PTCH1: variants seen among roughly 807,000 people sequenced by gnomAD.
The protein encoded by PTCH1 is protein patched homolog 1.
A neutral mutation model predicts 144.6 loss-of-function variants in PTCH1; 14 were observed. That is an observed-to-expected ratio of 0.10 (90% CI 0.06 to 0.15). The LOEUF (loss-of-function observed/expected upper bound fraction) is 0.15, where lower values mean the gene tolerates loss of function less well. Among genes scored for constraint, PTCH1 ranks in the 10% least tolerant of loss-of-function variants. The pLI is 1.00. For synonymous variants in PTCH1, 833 were observed against 793.6 expected, an observed-to-expected ratio of 1.05 and a Z score of -0.83; for missense variants, 1,623 against 1,948.3, an observed-to-expected ratio of 0.83 and a Z score of 3.14.
At chr9:95,499,590 T>C (rs118018282) in intron 2 of PTCH1, among the ~76,000 whole-genome samples, 283 of 151,914 alleles carry the variant, frequency 1.9e-3, no homozygotes, top group Admixed American at 3.1e-3. Context: ...TATAATAGGA[T>C]GACACAGCCA....
At position 95,446,050 on chromosome 9, in the gene PTCH1, T is replaced by C. The variant is rs1382117340; in HGVS notation, c.*343A>G. ...ACAATATTTAAGCAGCAGCAACATA[T>C]GCTGAAATTTAAGACTAATGAAGCT... On this transcript the variant is annotated 3_prime_UTR_variant, in exon 24 of 24. Transcript: ENST00000331920. 1 of 190,764 alleles carries C rather than the reference T, an allele frequency of 5.2e-6. No individual in the cohort carries two copies. The highest frequency in any genetic ancestry group is 1.1e-5 in the Non-Finnish European group (1 of 88,750). The allele number at this position is 190,764 out of a possible 1,614,324, so 11.8% of individuals were successfully genotyped here. A position where few individuals can be genotyped will look rare whatever the true frequency, so the allele number is the denominator to read the frequency against.
At chr9:95,507,906 ACACACACACACACG>A (rs1370214107) in intron 1 of PTCH1, 23 of 1,005,458 alleles carry the variant, frequency 2.3e-5, no homozygotes, top group South Asian at 4.2e-5. Flanking sequence ...GCGTGTGTAT[ACACACACACACACG>A]CACACACACA....
chr9:95,511,228 C>T (rs928216285), upstream of PTCH1, among the ~76,000 whole-genome samples: 1 of 151,438 alleles, frequency 6.6e-6, no homozygotes. Flanking sequence ...CTCTCCCCGC[C>T]CCCTTCCTTC....
At chr9:95,465,283 A>G (rs778511338) in intron 15 of PTCH1, among the ~76,000 whole-genome samples, 15 of 152,124 alleles carry the variant, frequency 9.9e-5, no homozygotes, top group Non-Finnish European at 1.6e-4. Flanking sequence ...ACACTCTACA[A>G]TAACCCTTCT....
rs374097441 is a variant in PTCH1, at chr9:95,449,268, G to C, written c.3605C>G (p.Pro1202Arg). 19 of 1,564,534 alleles carry C rather than the reference G, an allele frequency of 1.2e-5. No homozygotes were observed. Among genetic ancestry groups the C allele is most frequent in the African/African-American group, 2.7e-5 (2 of 73,934 alleles). Residue 1202 changes from proline to arginine, a missense_variant, in exon 22 of 24, where the codon CCC (proline) becomes CGC (arginine). Coordinates refer to ENST00000331920, the MANE Select transcript of PTCH1 (RefSeq NM_000264.5). The surrounding 1 kb of genome is among the most constrained non-coding windows in gnomAD (Gnocchi z 5.3). Reference protein sequence around the residue: ...RLPTPSPEPPPSVVRFAMPPG... With the variant: ...RLPTPSPEPPRSVVRFAMPPG... ...CGGCATGGCGAAGCGGACCACGCTG[G>C]GGGGTGGCTCAGGGGAGGGTGTGGG...
At chr9:95,492,148 A>G (rs1842449700) in intron 2 of PTCH1, among the ~76,000 whole-genome samples, 1 of 152,222 alleles carries the variant, frequency 6.6e-6, no homozygotes, top group African/African-American at 2.4e-5. Context: ...TCTCACCTAA[A>G]AAAATAAAAC....
chr9:95,455,156 T>TA (rs944755604), intron 19 of PTCH1, among the ~76,000 whole-genome samples: 32 of 152,224 alleles, frequency 2.1e-4, no homozygotes, highest in Non-Finnish European at 2.9e-5. Context: ...ACTGTTGCCA[T>TA]ATTATTGGCT....
At chr9:95,510,732 GAAAA>G (rs987142588), upstream of PTCH1, among the ~76,000 whole-genome samples, 5 of 146,694 alleles carry the variant, frequency 3.4e-5, no homozygotes, top group African/African-American at 1.0e-4. Context: ...TATGTTCATT[GAAAA>G]AAAAAGAAGA....
intron 2 of PTCH1, among the ~76,000 whole-genome samples, chr9:95,504,572 G>C (rs1040758754): frequency 2.6e-5 from 4 of 152,066 alleles, no homozygotes; most frequent in African/African-American, 9.7e-5. Context: ...GCCCTATTCT[G>C]TCCAAGAATC....
At chr9:95,470,116 T>C (rs1315476444) in intron 12 of PTCH1, among the ~76,000 whole-genome samples, 185 bp from the exon 13 acceptor site, 1 of 152,240 alleles carries the variant, frequency 6.6e-6, no homozygotes, top group Non-Finnish European at 1.5e-5. Context: ...ATAGGAATAG[T>C]CTTGACTGTT....
At chr9:95,452,185 C>T (rs1033036554) in intron 20 of PTCH1, 2 of 152,236 alleles carry the variant, frequency 1.3e-5, no homozygotes, top group African/African-American at 4.8e-5. Context: ...AGAAGGCGGC[C>T]TCCATGATGC....
chr9:95,516,078 C>A (rs1048231060), intron 1 of PTCH1, among the ~76,000 whole-genome samples: 25 of 152,186 alleles, frequency 1.6e-4, no homozygotes, highest in African/African-American at 5.8e-4. Context: ...CACCACCAGG[C>A]TGATGAGCGG....
In PTCH1 at chr9:95,453,766, G is replaced by T. The variant is rs546472782; in HGVS notation, c.3307-146C>A. On this transcript the variant is annotated intron_variant, in intron 19 of 23. Coordinates refer to ENST00000331920, the MANE Select transcript of PTCH1 (RefSeq NM_000264.5). ...ATGTGTAATCAGAGTAGCTCAACTA[G>T]CAGCACCTAGACTTAAACTAAGATG... is the stretch of plus-strand genomic sequence containing the variant. 64 of 1,074,736 alleles carry T rather than the reference G, an allele frequency of 6.0e-5. No individual in the cohort carries two copies. The East Asian group carries it at 1.5e-3, about 25-fold the overall frequency. The allele number at this position is 1,074,736 out of a possible 1,614,324, so 66.6% of individuals were successfully genotyped here. A position where few individuals can be genotyped will look rare whatever the true frequency, so the allele number is the denominator to read the frequency against.
chr9:95,445,818 G>A lies in PTCH1; in HGVS notation c.*575C>T, dbSNP rs1837840800. On this transcript the variant is annotated 3_prime_UTR_variant, in exon 24 of 24. Coordinates refer to ENST00000331920, the MANE Select transcript of PTCH1 (RefSeq NM_000264.5). ...AGAGGACCGCACACAACGACACCTA[G>A]AGAAGCCACCAGGATTAACGTGCTT... 6.4e-6 allele frequency: 1 copy of A among 156,024 alleles called. No homozygotes were observed. The highest frequency in any genetic ancestry group is 2.4e-5 in the African/African-American group (1 of 41,422). The allele number at this position is 156,024 out of a possible 1,614,324, so 9.7% of individuals were successfully genotyped here.
At chr9:95,459,468 GAAGA>G in intron 17 of PTCH1, 128 bp downstream of exon 17, 2 of 1,159,264 alleles carry the variant, frequency 1.7e-6, no homozygotes, top group Non-Finnish European at 2.5e-6. Context: ...TTTTAAACGA[GAAGA>G]AATAGATTGT....
At chr9:95,503,253 A>G (rs918237223) in intron 2 of PTCH1, 3 of 152,232 alleles carry the variant, frequency 2.0e-5, no homozygotes, top group African/African-American at 4.8e-5. Flanking sequence ...GAATTTATCT[A>G]TGAGACTGAT....
chr9:95,511,274 C>T (rs1431958245), upstream of PTCH1, among the ~76,000 whole-genome samples: 4 of 152,002 alleles, frequency 2.6e-5, no homozygotes, highest in East Asian at 1.9e-4. Context: ...TTCCTTCCTT[C>T]GGCCTGCGCC....
rs1588517039 is a variant in PTCH1, at chr9:95,449,151, T to A, written c.3722A>T (p.Tyr1241Phe). 6.2e-7 allele frequency: 1 copy of A among 1,613,962 alleles called. No individual in the cohort carries two copies. The highest frequency in any genetic ancestry group is 8.5e-7 in the Non-Finnish European group (1 of 1,179,942). The change falls in exon 22 of 24, where the codon TAC (tyrosine) becomes TTC (phenylalanine). Residue 1241 changes from tyrosine to phenylalanine, a missense_variant. By Grantham distance (22) the Tyr-to-Phe change is conservative. This residue lies in a region of PTCH1 where 504 missense variants were observed against 679.3 expected (regional missense o/e 0.74). Coordinates refer to ENST00000331920, the MANE Select transcript of PTCH1 (RefSeq NM_000264.5). This position sits in a 1 kb window ranked among gnomAD's most constrained non-coding sequence, Gnocchi z 5.3. ...GCCTCCCGCGCCCTGCTGGGCCTCGTAGTGCCGAAGCTCCTCGCTGAGGCC... is the reference window on the plus strand; with the variant it reads ...GCCTCCCGCGCCCTGCTGGGCCTCGAAGTGCCGAAGCTCCTCGCTGAGGCC... The part of the protein sequence containing the change: ...VSGLSEELRH[Y>F]EAQQGAGGPA...
chr9:95,479,535 C>A (rs1841364528), intron 7 of PTCH1, among the ~76,000 whole-genome samples: 1 of 152,146 alleles, frequency 6.6e-6, no homozygotes, highest in Non-Finnish European at 1.5e-5. Flanking sequence ...ACACGAAACG[C>A]CAGACACCTG....
Sources: gnomAD v4.1 joint callset for allele counts (sites outside exome capture counted in the v4.1 genomes callset) on GRCh38, gnomAD v4.1.1 for gene constraint, gnomAD v4.1.1 regional missense constraint, Gnocchi (gnomAD v3.1) non-coding constraint, MANE v1.5 for transcripts, NCBI Gene and HGNC (gene_info 2026-07-23, HGNC 2026-07-21) for gene names.